MRPL1: variants seen among roughly 807,000 people sequenced by gnomAD.
MRPL1 encodes large ribosomal subunit protein uL1m.
MRPL1 carries 28 observed loss-of-function variants against 38.0 expected under a neutral mutation model. That is an observed-to-expected ratio of 0.74 (90% CI 0.55 to 1.01). The LOEUF is 1.01. Ranked by LOEUF, MRPL1 falls within the 50% of genes least tolerant of loss-of-function variation. The pLI is 0.00. For missense variants in MRPL1, 358 were observed against 389.8 expected, an observed-to-expected ratio of 0.92 and a Z score of 0.69; for synonymous variants, 123 against 126.7, an observed-to-expected ratio of 0.97 and a Z score of 0.20.
chr4:77,868,014 C>G (rs191307202), intron 1 of MRPL1, among the ~76,000 whole-genome samples: 6 of 151,880 alleles, frequency 4.0e-5, no homozygotes, highest in South Asian at 2.1e-4. Flanking sequence ...CCTCAGCCCC[C>G]CAAAGTGCTG....
chr4:77,887,356 T>A, intron 5 of MRPL1, 65 bp downstream of exon 5: 1 of 1,277,098 alleles, frequency 7.8e-7, no homozygotes. Flanking sequence ...CATTCATTGA[T>A]CTGTTATATG....
intron 7 of MRPL1, among the ~76,000 whole-genome samples, chr4:77,933,605 G>GA (rs1335163688): frequency 6.6e-5 from 10 of 152,038 alleles, no homozygotes; most frequent in Admixed American, 6.6e-4. Context: ...CAAAAGACTG[G>GA]AAAAAAATGA....
chr4:77,935,396 CT>C (rs978604953), intron 7 of MRPL1, among the ~76,000 whole-genome samples: 4 of 149,882 alleles, frequency 2.7e-5, no homozygotes, highest in South Asian at 2.1e-4. Context: ...GAAAATAATT[CT>C]TTTTTTTTTC....
intron 7 of MRPL1, among the ~76,000 whole-genome samples, chr4:77,940,037 T>C (rs2110264366): frequency 6.6e-6 from 1 of 152,312 alleles, no homozygotes; most frequent in African/African-American, 2.4e-5. Context: ...CTCATTCTGG[T>C]TCCATATAAA....
chr4:77,951,056 G>A (rs1467674478), intron 8 of MRPL1, among the ~76,000 whole-genome samples: 4 of 152,114 alleles, frequency 2.6e-5, no homozygotes, highest in Non-Finnish European at 4.4e-5. Context: ...TTTTAGTAGC[G>A]GTGGGGTTTC....
At position 77,945,702 on chromosome 4, in the gene MRPL1, G is replaced by A. The variant is rs185343013; in HGVS notation, c.778-4095G>A. 2.7e-4 allele frequency among the ~76,000 whole-genome samples: 41 copies of A among 152,082 alleles called. No homozygotes were observed. The East Asian group carries it at 4.1e-3, about 15-fold the overall frequency. ...GTCTCTGGGGGTGATATCACATATC[G>A]CTAGGACCGTGATGCCCACCTGAGC... On this transcript the variant is annotated intron_variant, in intron 7 of 8. Transcript: ENST00000315567.
intron 1 of MRPL1, among the ~76,000 whole-genome samples, chr4:77,871,339 C>CT (rs1395119377): frequency 1.4e-4 from 21 of 149,606 alleles, no homozygotes; most frequent in African/African-American, 4.9e-4. Flanking sequence ...GAGTATCACT[C>CT]TGTCGCCCAG....
At chr4:77,928,812 T>C (rs1459494149) in intron 7 of MRPL1, among the ~76,000 whole-genome samples, 1 of 152,204 alleles carries the variant, frequency 6.6e-6, no homozygotes, top group Non-Finnish European at 1.5e-5. Context: ...AAAAATAATT[T>C]ATTATCATTT....
intron 6 of MRPL1, among the ~76,000 whole-genome samples, chr4:77,900,737 C>G (rs1450503785): frequency 1.3e-5 from 2 of 152,224 alleles, no homozygotes; most frequent in African/African-American, 4.8e-5. Flanking sequence ...AAATAGGAGC[C>G]ATTGAAAACT....
At chr4:77,942,807 G>A (rs1737166284) in intron 7 of MRPL1, among the ~76,000 whole-genome samples, 1 of 152,112 alleles carries the variant, frequency 6.6e-6, no homozygotes, top group Admixed American at 6.5e-5. Flanking sequence ...CAGATACTTG[G>A]TTGGTTAATT....
At chr4:77,912,973 G>A (rs1255710992) in intron 7 of MRPL1, among the ~76,000 whole-genome samples, 1 of 151,964 alleles carries the variant, frequency 6.6e-6, no homozygotes, top group Admixed American at 6.6e-5. Context: ...AAACAGTACT[G>A]GAACAGTTGG....
intron 6 of MRPL1, among the ~76,000 whole-genome samples, chr4:77,907,383 C>T (rs1012459277): frequency 6.6e-6 from 1 of 152,058 alleles, no homozygotes; most frequent in Non-Finnish European, 1.5e-5. Flanking sequence ...TATTTAGTTG[C>T]ATCCCTTTCT....
intron 1 of MRPL1, among the ~76,000 whole-genome samples, chr4:77,871,449 T>C (rs1263621745): frequency 1.3e-5 from 2 of 151,876 alleles, no homozygotes; most frequent in East Asian, 1.9e-4. Flanking sequence ...GGACTACAGG[T>C]TCGTGCCACC....
intron 5 of MRPL1, among the ~76,000 whole-genome samples, chr4:77,892,373 T>A (rs1205118598): frequency 6.6e-6 from 1 of 152,120 alleles, no homozygotes; most frequent in Admixed American, 6.6e-5. Flanking sequence ...CCTCAGGCGA[T>A]CCAACCTTCC....
intron 1 of MRPL1, among the ~76,000 whole-genome samples, chr4:77,869,691 G>T (rs1735231665): frequency 6.6e-6 from 1 of 152,058 alleles, no homozygotes; most frequent in Non-Finnish European, 1.5e-5. Context: ...CCAGGTTCAA[G>T]CGATTCTTGT....
At chr4:77,862,922 C>T in intron 1 of MRPL1, 43 bp downstream of exon 1, 2 of 1,613,116 alleles carry the variant, frequency 1.2e-6, no homozygotes, top group East Asian at 2.2e-5. Context: ...GCTCTGGCAC[C>T]GAGTCTCTGG....
At chr4:77,929,766 A>G (rs966044067) in intron 7 of MRPL1, among the ~76,000 whole-genome samples, 5 of 64,106 alleles carry the variant, frequency 7.8e-5, no homozygotes, top group African/African-American at 6.6e-4. Flanking sequence ...AAAGGGTTTT[A>G]TTTAAAAAAA....
intron 6 of MRPL1, among the ~76,000 whole-genome samples, chr4:77,908,816 A>T (rs903540702): frequency 1.3e-5 from 2 of 152,210 alleles, no homozygotes; most frequent in African/African-American, 4.8e-5. Flanking sequence ...CTTAGACTCA[A>T]TGGGCGATGG....
At chr4:77,943,805 T>A (rs561996307) in intron 7 of MRPL1, among the ~76,000 whole-genome samples, 3 of 152,162 alleles carry the variant, frequency 2.0e-5, no homozygotes. Flanking sequence ...TTTCATTAAG[T>A]TGGACTTCAC....
Sources: gnomAD v4.1 joint callset for allele counts (sites outside exome capture counted in the v4.1 genomes callset) on GRCh38, gnomAD v4.1.1 for gene constraint, MANE v1.5 for transcripts, NCBI Gene and HGNC (gene_info 2026-07-23, HGNC 2026-07-21) for gene names.